Variants in TUNAR observed in about 807,000 individuals in gnomAD.
TUNAR encodes transmembrane neural differentiation associated intracellular calcium regulator.
intron 2 of TUNAR, among the ~76,000 whole-genome samples, chr14:95,921,349 A>G (rs74085775): frequency 0.05 from 7,663 of 152,200 alleles, 660 homozygotes; most frequent in African/African-American, 0.17. Flanking sequence ...CTCCAGTGGA[A>G]GAAATGTAGC....
chr14:95,893,189 T>C (rs959925308), intron 2 of TUNAR, among the ~76,000 whole-genome samples: 9 of 151,802 alleles, frequency 5.9e-5, no homozygotes, highest in Non-Finnish European at 1.2e-4. Flanking sequence ...ACCCAAGCAG[T>C]TGGGGACAGG....
chr14:95,907,623 G>C (rs1203382930), intron 2 of TUNAR, among the ~76,000 whole-genome samples: 1 of 152,190 alleles, frequency 6.6e-6, no homozygotes, highest in Admixed American at 6.5e-5. Context: ...TTTACTGAGT[G>C]TTACAACAGC....
intron 2 of TUNAR, among the ~76,000 whole-genome samples, chr14:95,892,410 C>T (rs1411089335): frequency 2.6e-5 from 4 of 152,246 alleles, no homozygotes; most frequent in Non-Finnish European, 4.4e-5. Flanking sequence ...GGTGGCAGTG[C>T]GAGCACATTG....
At chr14:95,914,323 C>T (rs1005058688) in intron 2 of TUNAR, among the ~76,000 whole-genome samples, 1 of 152,148 alleles carries the variant, frequency 6.6e-6, no homozygotes, top group South Asian at 2.1e-4. Flanking sequence ...AATGTAAATA[C>T]TAAGTCCTAT....
chr14:95,915,541 T>C (rs573652694), intron 2 of TUNAR, among the ~76,000 whole-genome samples: 51 of 152,270 alleles, frequency 3.3e-4, no homozygotes, highest in African/African-American at 1.2e-3. Flanking sequence ...TTAGGAAGGG[T>C]AATTTTCCAG....
At chr14:95,920,767 A>G (rs1249094419) in intron 2 of TUNAR, among the ~76,000 whole-genome samples, 2 of 152,196 alleles carry the variant, frequency 1.3e-5, no homozygotes, top group East Asian at 3.9e-4. Flanking sequence ...TCACATTCCC[A>G]CATTCCTGGA....
chr14:95,918,440 TC>T (rs1471773322), intron 2 of TUNAR, among the ~76,000 whole-genome samples: 1 of 152,216 alleles, frequency 6.6e-6, no homozygotes, highest in East Asian at 1.9e-4. Flanking sequence ...GACAACTTTT[TC>T]CAAAGAAAAC....
chr14:95,891,006 C>CCGTG (rs1403546467), intron 2 of TUNAR, among the ~76,000 whole-genome samples: 1 of 152,122 alleles, frequency 6.6e-6, no homozygotes, highest in African/African-American at 2.4e-5. Context: ...AAGAATCGAC[C>CCGTG]CGTGTCTGGA....
intron 2 of TUNAR, among the ~76,000 whole-genome samples, chr14:95,913,412 G>A (rs879572263): frequency 6.6e-6 from 1 of 152,040 alleles, no homozygotes; most frequent in Non-Finnish European, 1.5e-5. Context: ...GTGAGAACAT[G>A]CGGCGTTTGG....
At chr14:95,897,396 A>G (rs2139660641) in intron 2 of TUNAR, among the ~76,000 whole-genome samples, 1 of 152,278 alleles carries the variant, frequency 6.6e-6, no homozygotes, top group East Asian at 1.9e-4. Flanking sequence ...ACCCTTGCAC[A>G]GTGTGTCTGT....
chr14:95,894,056 C>G (rs999820695), intron 2 of TUNAR, among the ~76,000 whole-genome samples: 1 of 152,244 alleles, frequency 6.6e-6, no homozygotes, highest in African/African-American at 2.4e-5. Flanking sequence ...GATGACTGCT[C>G]AGGGAAACTG....
At chr14:95,917,512 A>G (rs900526980) in intron 2 of TUNAR, among the ~76,000 whole-genome samples, 5 of 152,212 alleles carry the variant, frequency 3.3e-5, no homozygotes, top group Non-Finnish European at 7.3e-5. Flanking sequence ...TACTTGTCAA[A>G]TATCACCAAA....
At chr14:95,915,632 C>T (rs867636405) in intron 2 of TUNAR, among the ~76,000 whole-genome samples, 3 of 152,356 alleles carry the variant, frequency 2.0e-5, no homozygotes, top group South Asian at 2.1e-4. Flanking sequence ...TAGCCCTGCC[C>T]GGCTGGGATT....
intron 2 of TUNAR, among the ~76,000 whole-genome samples, chr14:95,906,968 A>G (rs963921329): frequency 5.9e-5 from 9 of 152,216 alleles, no homozygotes; most frequent in African/African-American, 2.2e-4. Flanking sequence ...TTTCTTTTGC[A>G]TAAGTGAGCA....
chr14:95,911,153 C>G (rs944081973), intron 2 of TUNAR, among the ~76,000 whole-genome samples: 3 of 152,224 alleles, frequency 2.0e-5, no homozygotes, highest in Non-Finnish European at 4.4e-5. Flanking sequence ...CCCGCTTCCC[C>G]CTCCAGCCTC....
chr14:95,899,781 A>C (rs1365164726), intron 2 of TUNAR, among the ~76,000 whole-genome samples: 2 of 152,084 alleles, frequency 1.3e-5, no homozygotes, highest in Admixed American at 6.5e-5. Flanking sequence ...CTCATTACCT[A>C]ATCTCCTTCC....
chr14:95,879,641 C>T (rs1438292297), intron 2 of TUNAR, among the ~76,000 whole-genome samples: 1 of 151,484 alleles, frequency 6.6e-6, no homozygotes, highest in Non-Finnish European at 1.5e-5. Context: ...CCTTTTTTCT[C>T]CCCGTGTGAA....
chr14:95,921,656 C>T (rs1339748480), intron 2 of TUNAR, among the ~76,000 whole-genome samples: 1 of 152,124 alleles, frequency 6.6e-6, no homozygotes, highest in Non-Finnish European at 1.5e-5. Flanking sequence ...CCACTGGTGC[C>T]CCTCCCTCAT....
intron 2 of TUNAR, among the ~76,000 whole-genome samples, chr14:95,911,960 G>A (rs1257094959): frequency 6.6e-6 from 1 of 152,168 alleles, no homozygotes; most frequent in Non-Finnish European, 1.5e-5. Flanking sequence ...TTCACATACA[G>A]CAATGGCCCC....
Sources: gnomAD v4.1 joint callset for allele counts (sites outside exome capture counted in the v4.1 genomes callset) on GRCh38, gnomAD v4.1.1 for gene constraint, MANE v1.5 for transcripts, NCBI Gene and HGNC (gene_info 2026-07-23, HGNC 2026-07-21) for gene names.